The following NCALD variants were observed in gnomAD, a reference collection of about 807,000 sequenced individuals.
The protein encoded by NCALD is neurocalcin delta, also known as neurocalcin-delta.
In NCALD, 10 loss-of-function variants were observed where a neutral mutation model predicts 18.6. That is an observed-to-expected ratio of 0.54 (90% CI 0.33 to 0.91). The LOEUF (loss-of-function observed/expected upper bound fraction) is 0.91, where lower values mean the gene tolerates loss of function less well. Ranked by LOEUF, NCALD falls within the 40% of genes least tolerant of loss-of-function variation. The probability of loss-of-function intolerance (pLI) is 0.03; values close to 1 mark genes in which losing one functional copy is unlikely to be tolerated. For synonymous variants in NCALD, 88 were observed against 87.4 expected (o/e 1.01, Z -0.04); for missense variants, 184 against 247.6 (o/e 0.74, Z 1.72).
rs1074718 is a variant in NCALD at position 101,868,693 on chromosome 8, C to G, written c.-20+18448G>C. On this transcript the variant is annotated intron_variant, in intron 4 of 6. Coordinates refer to the NCALD transcript ENST00000311028. ...AGACCAAAAACAAGGCTTTCTGCAA[C>G]CAACCAGACTGATCACAGGCCACTA... 7.6e-4 allele frequency among the ~76,000 whole-genome samples: 116 copies of G among 152,264 alleles called. 1 individual carries two copies. Among genetic ancestry groups the G allele is most frequent in the African/African-American group, 2.7e-3 (111 of 41,552 alleles).
Position 101,815,891 on chromosome 8 carries a change from C to A in NCALD, c.-20+71250G>T, listed in dbSNP as rs532920681. ...CATAATTGCCAAAACTTGAAACAAC[C>A]AAGATGTCCTTCAGTAGGTAAGTGG... On this transcript the variant is annotated intron_variant, in intron 4 of 6. Coordinates refer to the NCALD transcript ENST00000311028. Among the ~76,000 whole-genome samples the A allele has an allele frequency of 3.0e-4, 45 of 152,150 alleles. No individual in the cohort carries two copies. In the South Asian group the frequency reaches 8.9e-3, roughly 30 times the overall value.
chr8:101,690,203 A>C, intron 3 of NCALD: 1 of 632,244 alleles, frequency 1.6e-6, no homozygotes, highest in Non-Finnish European at 1.8e-6. Flanking sequence ...AGAGGAGGGG[A>C]GGGGGTGGGG....
At chr8:101,987,745 C>T (rs1027869610) in intron 2 of NCALD, among the ~76,000 whole-genome samples, 1 of 152,156 alleles carries the variant, frequency 6.6e-6, no homozygotes, top group African/African-American at 2.4e-5. Flanking sequence ...TGTCAAAACA[C>T]GCCTTTTCCA....
intron 2 of NCALD, among the ~76,000 whole-genome samples, chr8:101,964,742 A>C (rs1750343927): frequency 6.6e-6 from 1 of 152,190 alleles, no homozygotes; most frequent in South Asian, 2.1e-4. Flanking sequence ...CAGAAATCCA[A>C]ATTATCCATA....
At chr8:101,931,936 T>G (rs1274135465) in intron 2 of NCALD, among the ~76,000 whole-genome samples, 1 of 152,122 alleles carries the variant, frequency 6.6e-6, no homozygotes, top group African/African-American at 2.4e-5. Flanking sequence ...GTCTTACTCA[T>G]AGCCCAGGCC....
chr8:101,826,412 G>C (rs1006737301), intron 4 of NCALD, among the ~76,000 whole-genome samples: 2 of 151,362 alleles, frequency 1.3e-5, no homozygotes, highest in African/African-American at 2.4e-5. Context: ...CATGATTCAG[G>C]GGTTAGAGGG....
chr8:101,992,435 G>A (rs1821083034), intron 2 of NCALD, among the ~76,000 whole-genome samples: 1 of 152,114 alleles, frequency 6.6e-6, no homozygotes, highest in African/African-American at 2.4e-5. Context: ...CATGCATTAT[G>A]GGTTAATAAA....
At chr8:101,750,960 AG>A (rs1381139984) in intron 1 of NCALD, among the ~76,000 whole-genome samples, 4 of 152,202 alleles carry the variant, frequency 2.6e-5, no homozygotes, top group African/African-American at 9.6e-5. Context: ...ATCGCCTAAA[AG>A]GTTTTAGGTA....
At chr8:101,949,309 A>C (rs1819298800) in intron 2 of NCALD, among the ~76,000 whole-genome samples, 1 of 151,964 alleles carries the variant, frequency 6.6e-6, no homozygotes, top group African/African-American at 2.4e-5. Flanking sequence ...CAGGATTTGA[A>C]CCCTAGTTAT....
chr8:101,820,477 TC>T (rs1361205091), intron 4 of NCALD, among the ~76,000 whole-genome samples: 1 of 152,176 alleles, frequency 6.6e-6, no homozygotes, highest in Non-Finnish European at 1.5e-5. Flanking sequence ...GGGGAAAGAC[TC>T]CCCAAACAGA....
chr8:102,035,088 T>A (rs13276740), intron 1 of NCALD, among the ~76,000 whole-genome samples: 1 of 152,040 alleles, frequency 6.6e-6, no homozygotes, highest in Non-Finnish European at 1.5e-5. Flanking sequence ...AAGTGTAGAA[T>A]CTCCAAGAGT....
intron 4 of NCALD, among the ~76,000 whole-genome samples, chr8:101,863,303 A>G (rs944371052): frequency 6.6e-6 from 1 of 152,122 alleles, no homozygotes; most frequent in Non-Finnish European, 1.5e-5. Flanking sequence ...AGATTTACCC[A>G]CTCAATCCGG....
chr8:101,981,238 G>A (rs1025846990), intron 2 of NCALD, among the ~76,000 whole-genome samples: 3 of 152,086 alleles, frequency 2.0e-5, no homozygotes, highest in Admixed American at 2.0e-4. Flanking sequence ...AAAACTACAG[G>A]TCTCAGTATA....
At chr8:101,976,843 A>G (rs978288338) in intron 2 of NCALD, among the ~76,000 whole-genome samples, 1 of 152,172 alleles carries the variant, frequency 6.6e-6, no homozygotes, top group African/African-American at 2.4e-5. Context: ...CACAAAGTTT[A>G]TTCTTAAATT....
At chr8:101,720,649 T>C (rs1340196251) in intron 1 of NCALD, among the ~76,000 whole-genome samples, 1 of 152,234 alleles carries the variant, frequency 6.6e-6, no homozygotes, top group Non-Finnish European at 1.5e-5. Context: ...CCTGTAATTA[T>C]TATTGGCCTT....
intron 4 of NCALD, among the ~76,000 whole-genome samples, chr8:101,803,099 T>C (rs1812931742): frequency 6.6e-6 from 1 of 152,170 alleles, no homozygotes; most frequent in Non-Finnish European, 1.5e-5. Context: ...AGTCAATGGC[T>C]GGCTTCAAGG....
At chr8:102,113,901 A>T (rs1825707914) in intron 1 of NCALD, among the ~76,000 whole-genome samples, 1 of 152,276 alleles carries the variant, frequency 6.6e-6, no homozygotes, top group African/African-American at 2.4e-5. Context: ...AACAACCGTG[A>T]ATCAGTGAAA....
intron 3 of NCALD, among the ~76,000 whole-genome samples, chr8:101,888,263 A>G (rs1402958617): frequency 1.3e-5 from 2 of 152,144 alleles, no homozygotes; most frequent in African/African-American, 4.8e-5. Flanking sequence ...CAATAATCTG[A>G]AGACTGATAT....
chr8:101,895,478 A>G (rs1180572498), intron 3 of NCALD, among the ~76,000 whole-genome samples: 1 of 151,228 alleles, frequency 6.6e-6, no homozygotes, highest in Non-Finnish European at 1.5e-5. Flanking sequence ...CTCTCTCACC[A>G]CTCCTGTTCA....
Sources: allele counts gnomAD v4.1 joint callset (sites outside exome capture counted in the v4.1 genomes callset), GRCh38; gene constraint gnomAD v4.1.1; transcripts MANE v1.5; gene names NCBI Gene and HGNC (gene_info 2026-07-23, HGNC 2026-07-21).